NFIC: variants seen among roughly 807,000 people sequenced by gnomAD.
NFIC encodes nuclear factor I C, also known as nuclear factor 1 C-type.
Under a neutral mutation model 54.4 loss-of-function variants are expected in NFIC, and 12 were observed. The observed-to-expected ratio is 0.22, with a 90% confidence interval of 0.14 to 0.36. The LOEUF is 0.36. Ranked by LOEUF, NFIC falls within the 10% of genes least tolerant of loss-of-function variation. The pLI is 1.00. For synonymous variants in NFIC, 322 were observed against 319.2 expected, an observed-to-expected ratio of 1.01 and a Z score of -0.09; for missense variants, 575 against 718.2, an observed-to-expected ratio of 0.80 and a Z score of 2.28.
chr19:3,363,257 A>ATG (rs2080836909), upstream of NFIC, among the ~76,000 whole-genome samples: 1 of 15,604 alleles, frequency 6.4e-5, no homozygotes, highest in Non-Finnish European at 1.3e-4. Flanking sequence ...ATATATATAT[A>ATG]TATATATATA....
At position 3,382,234 on chromosome 19, in the gene NFIC, C is replaced by A; in HGVS notation, c.553C>A (p.Arg185Ser). 1 of 1,601,234 alleles carries A rather than the reference C, an allele frequency of 6.2e-7. No homozygotes were observed. The highest frequency in any genetic ancestry group is 2.2e-5 in the East Asian group (1 of 44,830). The change falls in exon 2 of 11, where the codon CGT (arginine) becomes AGT (serine). Residue 185 changes from arginine to serine, a missense_variant. This residue lies in a region of NFIC where 447 missense variants were observed against 526.9 expected (regional missense o/e 0.85). Coordinates refer to ENST00000443272, the MANE Select transcript of NFIC (RefSeq NM_001245002.2). ...ELDLYLAYFVRERDAEQSGSP... is the reference protein window; with the variant it reads ...ELDLYLAYFVSERDAEQSGSP... Reference sequence around the variant, plus strand: ...GGACCTCTACCTGGCCTACTTCGTGCGTGAGCGAGGTGAGGTGTGGTGGCC... The same window carrying A: ...GGACCTCTACCTGGCCTACTTCGTGAGTGAGCGAGGTGAGGTGTGGTGGCC...
intron 2 of NFIC, among the ~76,000 whole-genome samples, chr19:3,414,303 A>T (rs955530521): frequency 2.0e-5 from 3 of 152,156 alleles, no homozygotes; most frequent in Admixed American, 2.0e-4. Flanking sequence ...CCCTTTAAAA[A>T]TGGAAAAGAC....
At chr19:3,361,837 C>T (rs1015888988), upstream of NFIC, among the ~76,000 whole-genome samples, 2 of 151,714 alleles carry the variant, frequency 1.3e-5, no homozygotes, top group African/African-American at 4.9e-5. Context: ...CACGTGCATG[C>T]AGTCATAGTT....
At position 3,442,693 on chromosome 19, in the gene NFIC, T is replaced by G. The variant is rs1023471318; in HGVS notation, c.959-6321T>G. On this transcript the variant is annotated intron_variant, in intron 6 of 10. Transcript: ENST00000443272. ...TGAGCCACCGAGCCCAGCCCGCCCA[T>G]CCCTTTTTTTAACCCCAGGGTGGAG... Among the ~76,000 whole-genome samples the G allele has an allele frequency of 1.3e-4, 19 of 143,020 alleles. No homozygotes were observed. The East Asian group carries it at 3.6e-3, about 27-fold the overall frequency. 93.8% of individuals were successfully genotyped at this position (143,020 alleles called of 152,430 possible).
rs1047197514 is a variant in NFIC at position 3,468,549 on chromosome 19, G to T, written c.*5780G>T. ...AAAGAACAAGCAAGGGCTCCAGGGG[G>T]ACAGGATGGGGCAGGGCATACAGTG... is the stretch of plus-strand genomic sequence containing the variant. On this transcript the variant is annotated 3_prime_UTR_variant, in exon 11 of 11. Coordinates refer to ENST00000443272, the MANE Select transcript of NFIC (RefSeq NM_001245002.2). 5 of 152,082 alleles carry T rather than the reference G, an allele frequency of 3.3e-5. No individual in the cohort carries two copies. Among genetic ancestry groups the T allele is most frequent in the African/African-American group, 1.2e-4 (5 of 41,394 alleles). 9.4% of individuals were successfully genotyped at this position (152,082 alleles called of 1,614,324 possible). A position where few individuals can be genotyped will look rare whatever the true frequency, so the allele number is the denominator to read the frequency against.
chr19:3,445,025 A>G (rs951093648), intron 6 of NFIC, among the ~76,000 whole-genome samples: 4 of 149,468 alleles, frequency 2.7e-5, no homozygotes, highest in Non-Finnish European at 5.9e-5. Flanking sequence ...GTGCACAGGC[A>G]TACACATACA....
intron 2 of NFIC, 30 bp from the exon 3 acceptor site, chr19:3,425,076 G>A (rs1203726142): frequency 1.2e-6 from 2 of 1,611,616 alleles, no homozygotes; most frequent in Admixed American, 1.7e-5. Flanking sequence ...TCTCTGTGAT[G>A]CCACCAGTGT....
At chr19:3,409,808 G>A (rs1218961529) in intron 2 of NFIC, among the ~76,000 whole-genome samples, 2 of 152,244 alleles carry the variant, frequency 1.3e-5, no homozygotes, top group Non-Finnish European at 2.9e-5. Flanking sequence ...TTGTTTGCTT[G>A]AGCAAAGGCT....
chr19:3,403,575 T>C (rs1312158070), intron 2 of NFIC, among the ~76,000 whole-genome samples: 1 of 152,152 alleles, frequency 6.6e-6, no homozygotes, highest in East Asian at 1.9e-4. Flanking sequence ...TGGTATTTTG[T>C]TTTTTCTTGG....
intron 2 of NFIC, among the ~76,000 whole-genome samples, chr19:3,417,624 C>CTTTTTTT (rs757954619): frequency 9.0e-5 from 11 of 121,628 alleles, no homozygotes; most frequent in African/African-American, 2.9e-4. Context: ...TTTTTCTTTT[C>CTTTTTTT]TTTTTTTTTT....
At position 3,453,993 on chromosome 19, in the gene NFIC, A is replaced by G. The variant is rs2082511796; in HGVS notation, c.1423+77A>G. On this transcript the variant is annotated intron_variant, in intron 9 of 10. Coordinates refer to ENST00000443272, the MANE Select transcript of NFIC (RefSeq NM_001245002.2). The surrounding 1 kb of genome is among the most constrained non-coding windows in gnomAD (Gnocchi z 6.7). ...CTGTCCCCTCCCCAGCCCCACTGCC[A>G]GGTCAGAGGTCAGGCCCGACCCTGC... 1 of 1,423,530 alleles carries G rather than the reference A, an allele frequency of 7.0e-7. No individual in the cohort carries two copies. The highest frequency in any genetic ancestry group is 9.1e-7 in the Non-Finnish European group (1 of 1,097,536). 88.2% of individuals were successfully genotyped at this position (1,423,530 alleles called of 1,614,324 possible).
Position 3,459,255 on chromosome 19 carries a change from C to A in NFIC, c.1509+2620C>A, listed in dbSNP as rs1017294128. Among the ~76,000 whole-genome samples the A allele has an allele frequency of 6.6e-6, 1 of 151,260 alleles. No individual in the cohort carries two copies. The highest frequency in any genetic ancestry group is 1.5e-5 in the Non-Finnish European group (1 of 67,720). On this transcript the variant is annotated intron_variant, in intron 10 of 10. Transcript: ENST00000443272. This position sits in a 1 kb window ranked among gnomAD's most constrained non-coding sequence, Gnocchi z 4.2. ...ACCCCCCAGTCCATGGACTCTCCCC[C>A]CATCAATATCCCTCCCCGTGATCTA...
chr19:3,382,206 G>A lies in NFIC; in HGVS notation c.525G>A (p.Glu175=), dbSNP rs770526208. 6.2e-7 allele frequency: 1 copy of A among 1,608,126 alleles called. No homozygotes were observed. Among genetic ancestry groups the A allele is most frequent in the Non-Finnish European group, 8.5e-7 (1 of 1,179,764 alleles). ...QPHHIGVAVK[E]LDLYLAYFVR... ...ACCACATTGGCGTGGCCGTCAAGGA[G>A]CTGGACCTCTACCTGGCCTACTTCG... The change falls in exon 2 of 11, where the codon GAG becomes GAA. Residue 175 remains glutamate (E), a synonymous_variant. Transcript: ENST00000443272.
chr19:3,449,718 C>A (rs2082428875), intron 7 of NFIC, among the ~76,000 whole-genome samples: 3 of 149,050 alleles, frequency 2.0e-5, no homozygotes, highest in South Asian at 2.1e-4. Context: ...AGAGATCACA[C>A]CACTGCACTC....
intron 6 of NFIC, among the ~76,000 whole-genome samples, chr19:3,439,994 T>C (rs2145647191): frequency 6.6e-6 from 1 of 152,048 alleles, no homozygotes; most frequent in East Asian, 1.9e-4. Context: ...GGCCAAACAC[T>C]GGAAGAATTT....
chr19:3,444,279 TAAAC>T (rs1439002465), intron 6 of NFIC, among the ~76,000 whole-genome samples: 3 of 151,976 alleles, frequency 2.0e-5, no homozygotes, highest in Non-Finnish European at 2.9e-5. Context: ...GCGTGTGTGT[TAAAC>T]AGACAGGAAG....
intron 1 of NFIC, among the ~76,000 whole-genome samples, chr19:3,367,296 TC>T (rs1395463693): frequency 2.0e-5 from 3 of 151,332 alleles, no homozygotes; most frequent in Non-Finnish European, 4.4e-5. Flanking sequence ...CCCGGCTGGG[TC>T]CCCCCTCCTT....
intron 3 of NFIC, among the ~76,000 whole-genome samples, chr19:3,426,697 C>T (rs1217303700): frequency 6.6e-6 from 1 of 152,160 alleles, no homozygotes; most frequent in Non-Finnish European, 1.5e-5. Flanking sequence ...TCCTCCCTCT[C>T]TCCCCGTCGT....
intron 1 of NFIC, 40 bp from the exon 2 acceptor site, chr19:3,381,672 G>A (rs753883967): frequency 5.3e-5 from 85 of 1,602,304 alleles, no homozygotes; most frequent in Non-Finnish European, 7.0e-5. Flanking sequence ...CGCCCTCTGC[G>A]TCCCTGGCGC....
Sources: gnomAD v4.1 joint callset for allele counts (sites outside exome capture counted in the v4.1 genomes callset) on GRCh38, gnomAD v4.1.1 for gene constraint, gnomAD v4.1.1 regional missense constraint, Gnocchi (gnomAD v3.1) non-coding constraint, MANE v1.5 for transcripts, NCBI Gene and HGNC (gene_info 2026-07-23, HGNC 2026-07-21) for gene names.